The following PPP2R5E variants were observed in gnomAD, a reference collection of about 807,000 sequenced individuals.
PPP2R5E encodes the protein protein phosphatase 2 regulatory subunit B'epsilon.
A neutral mutation model predicts 65.3 loss-of-function variants in PPP2R5E; 4 were observed. The ratio of observed to expected loss-of-function variants is 0.06; its 90% CI spans 0.03 to 0.14. The LOEUF (loss-of-function observed/expected upper bound fraction) is 0.14. Ranked by LOEUF, PPP2R5E falls within the 10% of genes least tolerant of loss-of-function variation. The pLI is 1.00. For missense variants in PPP2R5E, 274 were observed against 556.1 expected (o/e 0.49, Z 5.10); for synonymous variants, 183 against 187.4 (o/e 0.98, Z 0.19).
chr14:63,383,534 G>A (rs1315733817), intron 12 of PPP2R5E, among the ~76,000 whole-genome samples: 5 of 152,118 alleles, frequency 3.3e-5, no homozygotes, highest in African/African-American at 1.2e-4. Flanking sequence ...TCTGTATAAA[G>A]GGACTTAACT....
intron 2 of PPP2R5E, among the ~76,000 whole-genome samples, chr14:63,461,925 A>C (rs1003108940): frequency 2.6e-5 from 4 of 151,510 alleles, no homozygotes; most frequent in African/African-American, 9.7e-5. Context: ...TTCTCTTCTT[A>C]TTTTTCACTT....
At chr14:63,501,310 CAGG>C (rs1891867531) in intron 2 of PPP2R5E, among the ~76,000 whole-genome samples, 1 of 150,818 alleles carries the variant, frequency 6.6e-6, no homozygotes, top group South Asian at 2.1e-4. Context: ...GAGGCTGAGG[CAGG>C]AGAATGGCGT....
chr14:63,414,110 T>C (rs77476689), intron 5 of PPP2R5E, among the ~76,000 whole-genome samples: 24 of 152,134 alleles, frequency 1.6e-4, no homozygotes, highest in Non-Finnish European at 2.1e-4. Context: ...TTGAACCCTA[T>C]GAAACTGCTG....
chr14:63,489,080 A>G (rs1891155709), intron 2 of PPP2R5E, among the ~76,000 whole-genome samples: 1 of 152,098 alleles, frequency 6.6e-6, no homozygotes, highest in African/African-American at 2.4e-5. Context: ...AACCAGAATT[A>G]GAATCCAGGT....
chr14:63,539,834 G>T, intron 1 of PPP2R5E, 142 bp from the exon 2 acceptor site: 1 of 931,126 alleles, frequency 1.1e-6, no homozygotes, highest in Non-Finnish European at 1.5e-6. Flanking sequence ...GTTAAGAAAA[G>T]TCTTATCTTG....
At position 63,509,704 on chromosome 14, in the gene PPP2R5E, AAATGGAGTC is replaced by A. The variant is rs1892374312; in HGVS notation, c.157+29816_157+29824del. 2.0e-5 allele frequency among the ~76,000 whole-genome samples: 3 copies of A among 152,222 alleles called. No homozygotes were observed. In the South Asian group the frequency reaches 6.2e-4, roughly 31 times the overall value. On this transcript the variant is annotated intron_variant, in intron 2 of 13. Coordinates refer to ENST00000337537, the MANE Select transcript of PPP2R5E (RefSeq NM_006246.5). ...CTATATGTTACAAACACACACCTGC[AAATGGAGTC>A]AATGCCTGTGGACTAACAGAACCCA...
At chr14:63,444,316 A>C (rs967458765) in intron 3 of PPP2R5E, among the ~76,000 whole-genome samples, 1 of 152,188 alleles carries the variant, frequency 6.6e-6, no homozygotes, top group Admixed American at 6.5e-5. Flanking sequence ...TCATTCTGTC[A>C]AGCCTTCCTT....
chr14:63,490,110 C>T (rs1271468344), intron 2 of PPP2R5E, among the ~76,000 whole-genome samples: 2 of 151,856 alleles, frequency 1.3e-5, no homozygotes, highest in African/African-American at 2.4e-5. Context: ...AGAACTAGGC[C>T]GAATAAAATT....
intron 3 of PPP2R5E, among the ~76,000 whole-genome samples, chr14:63,431,994 T>A (rs1252841603): frequency 2.0e-5 from 3 of 150,794 alleles, no homozygotes; most frequent in Non-Finnish European, 4.4e-5. Context: ...AAAGAACATA[T>A]TAAAATGATC....
intron 2 of PPP2R5E, among the ~76,000 whole-genome samples, chr14:63,500,597 G>GAAA (rs1891825309): frequency 6.6e-6 from 1 of 152,148 alleles, no homozygotes; most frequent in Non-Finnish European, 1.5e-5. Flanking sequence ...TCCCTGGGTG[G>GAAA]GCACAGCGGG....
intron 3 of PPP2R5E, among the ~76,000 whole-genome samples, chr14:63,425,151 G>A (rs572150287): frequency 3.9e-5 from 6 of 152,260 alleles, no homozygotes; most frequent in East Asian, 3.9e-4. Context: ...TTTCTTATTC[G>A]TTAGCCTAGA....
At chr14:63,501,601 TTC>T (rs1891892125) in intron 2 of PPP2R5E, among the ~76,000 whole-genome samples, 1 of 152,080 alleles carries the variant, frequency 6.6e-6, no homozygotes, top group African/African-American at 2.4e-5. Context: ...CAGAATTTCA[TTC>T]TGAGGTGATA....
At chr14:63,403,387 CAAAAAA>C (rs35226807) in intron 5 of PPP2R5E, among the ~76,000 whole-genome samples, 1 of 79,260 alleles carries the variant, frequency 1.3e-5, no homozygotes, top group African/African-American at 3.7e-5. Context: ...GAGTCTGTCT[CAAAAAA>C]AAAAAAAAAA....
intron 3 of PPP2R5E, among the ~76,000 whole-genome samples, chr14:63,424,652 G>A (rs1887231127): frequency 6.6e-6 from 1 of 151,810 alleles, no homozygotes; most frequent in Non-Finnish European, 1.5e-5. Flanking sequence ...TCGGGAGGCT[G>A]AGGCAGGAGA....
At chr14:63,472,058 TTGG>T (rs1890161161) in intron 2 of PPP2R5E, among the ~76,000 whole-genome samples, 2 of 152,206 alleles carry the variant, frequency 1.3e-5, no homozygotes, top group African/African-American at 4.8e-5. Flanking sequence ...CCCAGCACTG[TTGG>T]AGGCCAAGGC....
intron 13 of PPP2R5E, among the ~76,000 whole-genome samples, chr14:63,376,402 A>ATCT (rs1883985800): frequency 6.6e-6 from 1 of 152,226 alleles, no homozygotes; most frequent in Non-Finnish European, 1.5e-5. Context: ...AGAATATAGT[A>ATCT]GGTCAAGAAA....
intron 2 of PPP2R5E, among the ~76,000 whole-genome samples, chr14:63,468,264 T>C (rs1889938940): frequency 6.6e-6 from 1 of 152,238 alleles, no homozygotes; most frequent in South Asian, 2.1e-4. Flanking sequence ...CAGTCTTTTT[T>C]TTCAAAAATG....
chr14:63,512,729 A>T (rs940572835), intron 2 of PPP2R5E, among the ~76,000 whole-genome samples: 19 of 152,148 alleles, frequency 1.2e-4, no homozygotes, highest in Admixed American at 7.9e-4. Flanking sequence ...AAAATAAAAA[A>T]TTTTTTAAAA....
chr14:63,459,089 T>A (rs1335925372), intron 2 of PPP2R5E, among the ~76,000 whole-genome samples: 1 of 152,188 alleles, frequency 6.6e-6, no homozygotes, highest in Non-Finnish European at 1.5e-5. Flanking sequence ...GAATTTTACT[T>A]GCATAAGACA....
Sources: allele counts gnomAD v4.1 joint callset (sites outside exome capture counted in the v4.1 genomes callset), GRCh38; gene constraint gnomAD v4.1.1; transcripts MANE v1.5; gene names NCBI Gene and HGNC (gene_info 2026-07-23, HGNC 2026-07-21).